The following SORCS1 variants were observed in gnomAD, a reference collection of about 807,000 sequenced individuals.
SORCS1 encodes VPS10 domain-containing receptor SorCS1.
SORCS1 carries 60 observed loss-of-function variants against 146.1 expected under a neutral mutation model. The ratio of observed to expected loss-of-function variants is 0.41; its 90% CI spans 0.33 to 0.51. SORCS1 has a LOEUF of 0.51. SORCS1 is among the 20% of genes least tolerant of loss of function. The pLI is 0.21. For synonymous variants in SORCS1, 637 were observed against 584.0 expected, an observed-to-expected ratio of 1.09 and a Z score of -1.31; for missense variants, 1,352 against 1,487.6, an observed-to-expected ratio of 0.91 and a Z score of 1.50.
rs190157850 is a variant in SORCS1, at chr10:106,709,235, A to T, written c.1131T>A (p.Tyr377Ter). ...GGATTTTTCCTACCTGAACAAACACATAATGATCCTGAACAATCAAAGAGT... is the reference window on the plus strand; with the variant it reads ...GGATTTTTCCTACCTGAACAAACACTTAATGATCCTGAACAATCAAAGAGT... ...DPDSLIVQDHYVFVQLTSGGR... is the reference protein window; with the variant it reads ...DPDSLIVQDH The change falls in exon 7 of 26, where the codon TAT (tyrosine) becomes TAA (stop). Residue 377 changes from tyrosine (Y) to a stop codon, truncating the protein, a stop_gained. Transcript: ENST00000263054. LOFTEE classifies it high-confidence loss of function. 1 of 1,612,996 alleles carries T rather than the reference A, an allele frequency of 6.2e-7. No individual in the cohort carries two copies. The highest frequency in any genetic ancestry group is 8.5e-7 in the Non-Finnish European group (1 of 1,179,134).
intron 1 of SORCS1, among the ~76,000 whole-genome samples, chr10:107,006,587 G>A (rs974201494): frequency 6.6e-6 from 1 of 152,214 alleles, no homozygotes; most frequent in Non-Finnish European, 1.5e-5. Context: ...GGAGGCCGAG[G>A]CGGGCAGATC....
At chr10:106,667,939 C>A in intron 16 of SORCS1, 137 bp from the exon 17 acceptor site, 2 of 610,798 alleles carry the variant, frequency 3.3e-6, no homozygotes, top group East Asian at 5.5e-5. Flanking sequence ...AAAAAAAACA[C>A]AAGCATTCCC....
intron 2 of SORCS1, among the ~76,000 whole-genome samples, chr10:106,939,435 G>A (rs1953920885): frequency 6.6e-6 from 1 of 152,210 alleles, no homozygotes; most frequent in African/African-American, 2.4e-5. Context: ...GGGCGATGAT[G>A]CAGGACATTC....
At chr10:106,851,108 C>A (rs531400574) in intron 2 of SORCS1, among the ~76,000 whole-genome samples, 2 of 152,184 alleles carry the variant, frequency 1.3e-5, no homozygotes, top group Non-Finnish European at 2.9e-5. Flanking sequence ...ATATGACAGG[C>A]CTTCATCAGA....
intron 2 of SORCS1, among the ~76,000 whole-genome samples, chr10:106,918,327 AT>A (rs1365923760): frequency 6.6e-6 from 1 of 151,788 alleles, no homozygotes; most frequent in Admixed American, 6.6e-5. Flanking sequence ...CGCCTGGCTA[AT>A]TTTTTTGTAT....
chr10:106,759,444 T>C (rs1037617314), intron 5 of SORCS1, among the ~76,000 whole-genome samples: 3 of 152,182 alleles, frequency 2.0e-5, no homozygotes, highest in African/African-American at 7.2e-5. Flanking sequence ...ACAGGCAGAT[T>C]AGAGAAATTA....
intron 2 of SORCS1, among the ~76,000 whole-genome samples, chr10:106,894,036 A>T (rs1951348548): frequency 6.6e-6 from 1 of 152,224 alleles, no homozygotes; most frequent in Non-Finnish European, 1.5e-5. Context: ...AAGAAAAAAA[A>T]TACAAATTAG....
rs1844636892 is a variant in SORCS1 at position 106,577,463 on chromosome 10, G to A, written c.3464C>T (p.Ser1155Leu). 1 of 1,593,816 alleles carries A rather than the reference G, an allele frequency of 6.3e-7. No homozygotes were observed. The highest frequency in any genetic ancestry group is 8.6e-7 in the Non-Finnish European group (1 of 1,167,240). Residue 1155 changes from serine to leucine, a missense_variant, in exon 26 of 26, where the codon TCA becomes TTA. This residue lies in a region of SORCS1 where 214 missense variants were observed against 204.8 expected (regional missense o/e 1.05). Transcript: ENST00000263054. ...CCCAGCAGATCCCCGCTTTGGCGTT[G>A]AAGGCGGAGTGGCGTGTCTTGCTCT... is the stretch of plus-strand genomic sequence containing the variant. ...LQRARHATPP[S>L]TPKRGSAGAQ...
intron 1 of SORCS1, among the ~76,000 whole-genome samples, chr10:107,057,263 C>G (rs1385258777): frequency 6.6e-6 from 1 of 152,178 alleles, no homozygotes; most frequent in Non-Finnish European, 1.5e-5. Context: ...GAACACAAAT[C>G]TTACTTACAA....
rs908601610 is a variant in SORCS1 at position 106,911,996 on chromosome 10, C to A, written c.626+44517G>T. Among the ~76,000 whole-genome samples, 147 of 151,880 alleles carry A rather than the reference C, an allele frequency of 9.7e-4. 1 individual carries two copies. The highest frequency in any genetic ancestry group is 1.2e-4 in the Non-Finnish European group (8 of 67,950). On this transcript the variant is annotated intron_variant, in intron 2 of 25. Coordinates refer to ENST00000263054, the MANE Select transcript of SORCS1 (RefSeq NM_052918.5). ...GGTGTTGTGGCGGGCATCTGTAGTC[C>A]CAGCTACTCAGGAGGCTGAGACAGG... is the stretch of plus-strand genomic sequence containing the variant.
At chr10:106,637,130 T>C (rs1020700134) in intron 18 of SORCS1, among the ~76,000 whole-genome samples, 5 of 152,202 alleles carry the variant, frequency 3.3e-5, no homozygotes, top group Admixed American at 6.5e-5. Context: ...GTTGAAACTG[T>C]GTTGGACCTT....
chr10:107,024,217 C>T (rs959262011), intron 1 of SORCS1, among the ~76,000 whole-genome samples: 6 of 151,712 alleles, frequency 4.0e-5, no homozygotes, highest in Admixed American at 3.9e-4. Flanking sequence ...TTATTTGGCC[C>T]CTGGTTCTGA....
chr10:106,679,877 A>G (rs1399165558), intron 10 of SORCS1, 143 bp from the exon 11 acceptor site: 15 of 619,486 alleles, frequency 2.4e-5, no homozygotes, highest in South Asian at 1.8e-5. Context: ...TTGTATCTAT[A>G]CCTACCCAAC....
intron 1 of SORCS1, among the ~76,000 whole-genome samples, chr10:107,058,457 A>G (rs1426887232): frequency 6.6e-6 from 1 of 152,230 alleles, no homozygotes; most frequent in Admixed American, 6.5e-5. Flanking sequence ...CAAAAAACCT[A>G]GAACGTGTTA....
intron 1 of SORCS1, among the ~76,000 whole-genome samples, chr10:107,041,076 A>T (rs1959134704): frequency 6.6e-6 from 1 of 152,208 alleles, no homozygotes; most frequent in South Asian, 2.1e-4. Flanking sequence ...AATAAGGTAG[A>T]TTTACATGTA....
intron 18 of SORCS1, among the ~76,000 whole-genome samples, chr10:106,643,155 G>A (rs2133691539): frequency 6.6e-6 from 1 of 152,300 alleles, no homozygotes; most frequent in Admixed American, 6.5e-5. Context: ...TGTGATCTCA[G>A]GTAAGTTACT....
At chr10:106,733,960 ACT>A (rs1326602406) in intron 5 of SORCS1, among the ~76,000 whole-genome samples, 1 of 152,066 alleles carries the variant, frequency 6.6e-6, no homozygotes, top group African/African-American at 2.4e-5. Context: ...TTATCACTGA[ACT>A]CTCTCTGCTT....
intron 3 of SORCS1, among the ~76,000 whole-genome samples, chr10:106,806,152 G>A (rs1947157121): frequency 1.3e-5 from 2 of 150,990 alleles, no homozygotes; most frequent in Admixed American, 6.6e-5. Flanking sequence ...TGTGGATCAC[G>A]AGGTCAAGAG....
At chr10:106,829,740 G>T in intron 2 of SORCS1, 67 bp from the exon 3 acceptor site, 1 of 1,200,240 alleles carries the variant, frequency 8.3e-7, no homozygotes, top group Non-Finnish European at 1.2e-6. Context: ...TCAGTATAAT[G>T]CATGCTTTAC....
Sources: allele counts gnomAD v4.1 joint callset (sites outside exome capture counted in the v4.1 genomes callset), GRCh38; gene constraint gnomAD v4.1.1; regional missense constraint gnomAD v4.1.1; transcripts MANE v1.5; gene names NCBI Gene and HGNC (gene_info 2026-07-23, HGNC 2026-07-21).